XPO4: variants seen among roughly 807,000 people sequenced by gnomAD.
The protein encoded by XPO4 is exportin 4.
A neutral mutation model predicts 143.0 loss-of-function variants in XPO4; 39 were observed. That is an observed-to-expected ratio of 0.27 (90% CI 0.21 to 0.36). XPO4 has a LOEUF of 0.36. XPO4 is among the 10% of genes least tolerant of loss of function. XPO4 has a pLI of 1.00. For missense variants in XPO4, 907 were observed against 1,348.0 expected (o/e 0.67, Z 5.12); for synonymous variants, 439 against 474.0 (o/e 0.93, Z 0.96).
intron 4 of XPO4, among the ~76,000 whole-genome samples, chr13:20,845,446 A>G (rs1051906726): frequency 2.6e-5 from 4 of 152,206 alleles, no homozygotes; most frequent in African/African-American, 9.6e-5. Context: ...AATATACATG[A>G]CTTAATATAA....
intron 9 of XPO4, among the ~76,000 whole-genome samples, chr13:20,819,989 C>T (rs1158733442): frequency 1.3e-5 from 2 of 152,120 alleles, no homozygotes; most frequent in Admixed American, 1.3e-4. Flanking sequence ...CTGGTTTCTA[C>T]GACTAATGCA....
At chr13:20,882,109 C>CAAAAAAAAAAAAAAAAA (rs35404161) in intron 1 of XPO4, among the ~76,000 whole-genome samples, 47 of 93,332 alleles carry the variant, frequency 5.0e-4, no homozygotes, top group African/African-American at 1.5e-3. Context: ...GACTCGGTCT[C>CAAAAAAAAAAAAAAAAA]AAAAAAAAAA....
intron 18 of XPO4, among the ~76,000 whole-genome samples, chr13:20,793,946 G>A (rs976235780): frequency 6.6e-6 from 1 of 152,190 alleles, no homozygotes; most frequent in African/African-American, 2.4e-5. Flanking sequence ...AGTCCAGTAA[G>A]GAAGCAGAGA....
rs952093787 is a variant in XPO4, at chr13:20,787,005, G to A, written c.3218C>T (p.Ala1073Val). The part of the protein sequence containing the change: ...LQKHNTEMTT[A>V]AGEAFYTLVC... ...CAACGTGTAGAAAGCTTCGCCAGCC[G>A]CAGTGGTCATCTCTGTGTTGTGCTT... Residue 1073 changes from alanine to valine, a missense_variant, in exon 22 of 23, where the codon GCG becomes GTG. Coordinates refer to ENST00000255305, the MANE Select transcript of XPO4 (RefSeq NM_022459.5). The A allele has an allele frequency of 1.1e-5, 17 of 1,567,016 alleles. No individual in the cohort carries two copies. Among genetic ancestry groups the A allele is most frequent in the Non-Finnish European group, 1.2e-5 (14 of 1,152,974 alleles).
chr13:20,814,335 T>C (rs996999457), intron 9 of XPO4, among the ~76,000 whole-genome samples: 1 of 152,208 alleles, frequency 6.6e-6, no homozygotes, highest in African/African-American at 2.4e-5. Context: ...TATGCCTTTC[T>C]ATTATTAAAA....
chr13:20,822,142 T>G lies in XPO4; in HGVS notation c.988A>C (p.Thr330Pro). 1 of 1,612,304 alleles carries G rather than the reference T, an allele frequency of 6.2e-7. No individual in the cohort carries two copies. Among genetic ancestry groups the G allele is most frequent in the Non-Finnish European group, 8.5e-7 (1 of 1,179,168 alleles). ...LAHFIEGLLN[T>P]INGIEIEDSE... ...GGCAAGTATACCTACCCATTGATAG[T>G]ATTCAGTAATCCCTCAATGAAGTGT... Residue 330 changes from threonine (T) to proline (P), a missense_variant, in exon 8 of 23, where the codon ACT (threonine) becomes CCT (proline). Coordinates refer to ENST00000255305, the MANE Select transcript of XPO4 (RefSeq NM_022459.5).
In XPO4 at chr13:20,827,349, A is replaced by T. The variant is rs571069553; in HGVS notation, c.728-170T>A. Among the ~76,000 whole-genome samples the T allele has an allele frequency of 3.3e-5, 5 of 152,356 alleles. No individual in the cohort carries two copies. In the South Asian group the frequency reaches 1.0e-3, roughly 32 times the overall value. ...TGAAGCTAAGGAATAGAAGGCATTA[A>T]GTGCCTGGGGAAAAAAAGAATGTTA... On this transcript the variant is annotated intron_variant, in intron 6 of 22. Transcript: ENST00000255305.
At chr13:20,810,945 G>A (rs2059574397) in intron 9 of XPO4, among the ~76,000 whole-genome samples, 1 of 152,150 alleles carries the variant, frequency 6.6e-6, no homozygotes, top group Non-Finnish European at 1.5e-5. Flanking sequence ...AAAATTATCA[G>A]AGAAAAAGGT....
chr13:20,860,480 T>A (rs917059726), intron 3 of XPO4, among the ~76,000 whole-genome samples: 2 of 152,178 alleles, frequency 1.3e-5, no homozygotes, highest in South Asian at 2.1e-4. Context: ...AAAACACGTA[T>A]CTCTTCCATG....
chr13:20,900,015 C>T (rs891793401), intron 1 of XPO4, among the ~76,000 whole-genome samples: 25 of 152,216 alleles, frequency 1.6e-4, no homozygotes, highest in Non-Finnish European at 5.9e-5. Context: ...GAGTTTGAGT[C>T]TCTACCCCTT....
intron 6 of XPO4, among the ~76,000 whole-genome samples, chr13:20,831,987 G>C (rs1380869991): frequency 6.6e-6 from 1 of 151,942 alleles, no homozygotes; most frequent in African/African-American, 2.4e-5. Context: ...CTGCACCACA[G>C]AAGAGTGAAG....
At chr13:20,850,120 AC>A in intron 4 of XPO4, 1 of 984,984 alleles carries the variant, frequency 1.0e-6, no homozygotes, top group Non-Finnish European at 1.2e-6. Flanking sequence ...AAAACCACAC[AC>A]AAATGATTAG....
At chr13:20,850,849 G>A in intron 4 of XPO4, 2 of 985,410 alleles carry the variant, frequency 2.0e-6, no homozygotes, top group Middle Eastern at 5.2e-4. Flanking sequence ...TCTGGCCAAT[G>A]AAGGTTGATG....
chr13:20,864,874 A>T (rs2060231258), intron 2 of XPO4, among the ~76,000 whole-genome samples: 3 of 143,308 alleles, frequency 2.1e-5, no homozygotes, highest in Admixed American at 7.0e-5. Flanking sequence ...ATGGAGGAAT[A>T]AAAAAAAAAA....
chr13:20,817,471 A>G (rs1256281574), intron 9 of XPO4, among the ~76,000 whole-genome samples: 1 of 152,218 alleles, frequency 6.6e-6, no homozygotes, highest in African/African-American at 2.4e-5. Context: ...ATTAGGCTAC[A>G]AATATACTAA....
In XPO4 at chr13:20,843,097, T is replaced by G. The variant is rs548205641; in HGVS notation, c.574-49A>C. 49 of 1,501,090 alleles carry G rather than the reference T, an allele frequency of 3.3e-5. No homozygotes were observed. In the South Asian group the frequency reaches 4.9e-4, roughly 15 times the overall value. The allele number at this position is 1,501,090 out of a possible 1,614,324, so 93.0% of individuals were successfully genotyped here. A position where few individuals can be genotyped will look rare whatever the true frequency, so the allele number is the denominator to read the frequency against. On this transcript the variant is annotated intron_variant, in intron 5 of 22. Transcript: ENST00000255305. ...TTTTATATGAAAAATTTATTCAAAA[T>G]GTATCCCCTTTTAGAATCATGAAAC...
At position 20,845,606 on chromosome 13, in the gene XPO4, G is replaced by A. The variant is rs377053668; in HGVS notation, c.457-1720C>T. On this transcript the variant is annotated intron_variant, in intron 4 of 22. Coordinates refer to ENST00000255305, the MANE Select transcript of XPO4 (RefSeq NM_022459.5). ...TTTCTGTCATTTTACTGTTTAAAGC[G>A]ATCTCAAAATTCAGGAAGTACAATC... Among the ~76,000 whole-genome samples, 26 of 152,208 alleles carry A rather than the reference G, an allele frequency of 1.7e-4. No homozygotes were observed. In the East Asian group the frequency reaches 3.1e-3, roughly 18 times the overall value.
intron 1 of XPO4, among the ~76,000 whole-genome samples, chr13:20,883,211 C>CT: frequency 6.6e-6 from 1 of 152,340 alleles, no homozygotes; most frequent in Middle Eastern, 3.4e-3. Flanking sequence ...TCAATTACAC[C>CT]TTTGAGTGTT....
At position 20,836,172 on chromosome 13, in the gene XPO4, A is replaced by C. The variant is rs1040906041; in HGVS notation, c.727+6723T>G. 2.0e-5 allele frequency among the ~76,000 whole-genome samples: 3 copies of C among 152,316 alleles called. No individual in the cohort carries two copies. In the South Asian group the frequency reaches 6.2e-4, roughly 32 times the overall value. Reference sequence around the variant, plus strand: ...TAACCCTCACATTGTTCAAGGGTCAATTGTACTTCACTCTATACTTCATCA... The same window carrying C: ...TAACCCTCACATTGTTCAAGGGTCACTTGTACTTCACTCTATACTTCATCA... On this transcript the variant is annotated intron_variant, in intron 6 of 22. Transcript: ENST00000255305.
Sources: allele counts gnomAD v4.1 joint callset (sites outside exome capture counted in the v4.1 genomes callset), GRCh38; gene constraint gnomAD v4.1.1; transcripts MANE v1.5; gene names NCBI Gene and HGNC (gene_info 2026-07-23, HGNC 2026-07-21).